Variants in SERPINB7 observed in about 807,000 individuals in gnomAD.
SERPINB7 encodes the protein serpin B7.
In SERPINB7, 31 loss-of-function variants were observed where a neutral mutation model predicts 37.4. That is an observed-to-expected ratio of 0.83 (90% CI 0.62 to 1.12). SERPINB7 has a LOEUF of 1.12. Ranked by LOEUF, SERPINB7 falls within the 50% of genes most tolerant of loss-of-function variation. The pLI, the probability that SERPINB7 is intolerant of heterozygous loss-of-function variation, is 0.00. For missense variants in SERPINB7, 521 were observed against 455.3 expected (o/e 1.14, Z -1.31); for synonymous variants, 163 against 166.1 (o/e 0.98, Z 0.14).
chr18:63,776,521 C>G (rs1598997976), intron 1 of SERPINB7, among the ~76,000 whole-genome samples: 1 of 151,648 alleles, frequency 6.6e-6, no homozygotes, highest in East Asian at 1.9e-4. Context: ...GTGGTGATTT[C>G]AGACAGTCTT....
intron 6 of SERPINB7, 41 bp from the exon 7 acceptor site, chr18:63,800,825 G>A: frequency 6.2e-7 from 1 of 1,605,462 alleles, no homozygotes; most frequent in Non-Finnish European, 8.5e-7. Context: ...AAAGTAAAAT[G>A]AGGTGGGATC....
chr18:63,783,147 A>C (rs2049319048), intron 2 of SERPINB7, among the ~76,000 whole-genome samples: 1 of 150,506 alleles, frequency 6.6e-6, no homozygotes. Context: ...CAGAAAACAA[A>C]CGATCAAACA....
At chr18:63,786,455 G>C (rs1170378794) in intron 2 of SERPINB7, among the ~76,000 whole-genome samples, 1 of 151,262 alleles carries the variant, frequency 6.6e-6, no homozygotes. Flanking sequence ...TTTAAAAGTT[G>C]TACAAATTTG....
chr18:63,794,980 T>C (rs1199931062), intron 4 of SERPINB7, among the ~76,000 whole-genome samples: 1 of 152,226 alleles, frequency 6.6e-6, no homozygotes, highest in Non-Finnish European at 1.5e-5. Flanking sequence ...ATTCTGAACA[T>C]CTTTCCACAA....
rs775595027 is a variant in SERPINB7, at chr18:63,782,483, T to C, written c.111T>C (p.Ala37=). 2.5e-6 allele frequency: 4 copies of C among 1,614,230 alleles called. No individual in the cohort carries two copies. The Admixed American group carries it at 6.7e-5, about 27-fold the overall frequency. Residue 37 remains alanine, a synonymous_variant, in exon 2 of 8, where the codon GCT becomes GCC. Transcript: ENST00000398019. ...TCTTTTCCTCTCTGAGCCTCTTCGC[T>C]GCCCTGGCCCTGGTCCGCTTGGGCG... ...NVFFSSLSLF[A]ALALVRLGAQ...
chr18:63,788,285 T>C (rs2049393139), intron 2 of SERPINB7, among the ~76,000 whole-genome samples: 1 of 152,190 alleles, frequency 6.6e-6, no homozygotes, highest in Non-Finnish European at 1.5e-5. Context: ...AAGACAGTGA[T>C]ATTGACAATC....
chr18:63,798,769 A>C (rs755566200), intron 6 of SERPINB7, 23 bp downstream of exon 6: 4 of 1,608,716 alleles, frequency 2.5e-6, no homozygotes, highest in Non-Finnish European at 3.4e-6. Context: ...TCTCCTATTT[A>C]ATTTAGAACT....
At chr18:63,801,706 G>T (rs1034650533) in intron 7 of SERPINB7, among the ~76,000 whole-genome samples, 1 of 152,078 alleles carries the variant, frequency 6.6e-6, no homozygotes, top group Non-Finnish European at 1.5e-5. Context: ...TCCACCTCTG[G>T]ACTCTGTGGG....
chr18:63,800,833 A>T (rs769963525), intron 6 of SERPINB7, 33 bp from the exon 7 acceptor site: 12 of 1,608,880 alleles, frequency 7.5e-6, no homozygotes, highest in African/African-American at 4.0e-5. Context: ...ATGAGGTGGG[A>T]TCATAAATAA....
intron 5 of SERPINB7, among the ~76,000 whole-genome samples, chr18:63,796,665 T>C (rs1003246312): frequency 6.6e-6 from 1 of 152,242 alleles, no homozygotes; most frequent in Admixed American, 6.5e-5. Context: ...CCACTTCATA[T>C]ATGAATAACA....
At chr18:63,755,186 G>A (rs1360042528) in intron 1 of SERPINB7, among the ~76,000 whole-genome samples, 1 of 151,894 alleles carries the variant, frequency 6.6e-6, no homozygotes, top group African/African-American at 2.4e-5. Context: ...TTACAGGCGT[G>A]AGCCACCGCG....
At chr18:63,787,892 G>A (rs926152006) in intron 2 of SERPINB7, among the ~76,000 whole-genome samples, 2 of 152,138 alleles carry the variant, frequency 1.3e-5, no homozygotes, top group African/African-American at 4.8e-5. Context: ...TAATGAAACT[G>A]AGGTATTACT....
intron 2 of SERPINB7, among the ~76,000 whole-genome samples, chr18:63,790,989 G>A (rs1476875340): frequency 2.0e-5 from 3 of 152,106 alleles, no homozygotes; most frequent in Non-Finnish European, 4.4e-5. Flanking sequence ...TCCTTTGCAG[G>A]GACATGGATG....
At chr18:63,758,625 G>C (rs184004364) in intron 1 of SERPINB7, among the ~76,000 whole-genome samples, 1 of 152,116 alleles carries the variant, frequency 6.6e-6, no homozygotes, top group African/African-American at 2.4e-5. Flanking sequence ...AATAAGAAAA[G>C]AATTCTTTAG....
Position 63,796,325 on chromosome 18 carries a change from G to T in SERPINB7, c.396G>T (p.Thr132=). ...CCAAAGTGGAGCGAGTTGACTTTAC[G>T]AATCATTTAGAAGACACTAGACGTA... ...YDAKVERVDF[T]NHLEDTRRNI... The change falls in exon 5 of 8, where the codon ACG becomes ACT. Residue 132 remains threonine, a synonymous_variant. Coordinates refer to ENST00000398019, the MANE Select transcript of SERPINB7 (RefSeq NM_003784.4). The T allele has an allele frequency of 1.2e-6, 2 of 1,613,154 alleles. No individual in the cohort carries two copies. Among genetic ancestry groups the T allele is most frequent in the South Asian group, 2.2e-5 (2 of 90,988 alleles).
At chr18:63,788,664 G>A (rs547469759) in intron 2 of SERPINB7, among the ~76,000 whole-genome samples, 4 of 152,306 alleles carry the variant, frequency 2.6e-5, no homozygotes, top group Non-Finnish European at 5.9e-5. Flanking sequence ...GACTCACCCA[G>A]TGCCACTTCC....
chr18:63,798,886 A>T lies in SERPINB7; in HGVS notation c.597+140A>T, dbSNP rs1322718055. The T allele has an allele frequency of 1.5e-5, 13 of 861,856 alleles. No individual in the cohort carries two copies. In the East Asian group the frequency reaches 3.4e-4, roughly 22 times the overall value. The allele number at this position is 861,856 out of a possible 1,614,324, so 53.4% of individuals were successfully genotyped here. On this transcript the variant is annotated intron_variant, in intron 6 of 7. Coordinates refer to ENST00000398019, the MANE Select transcript of SERPINB7 (RefSeq NM_003784.4). ...TTTGCATTACCAATATCATATGGTC[A>T]GTTGCTTTATAAAGCAAACTTTCTA...
At chr18:63,765,791 A>G (rs1027471928) in intron 1 of SERPINB7, among the ~76,000 whole-genome samples, 1 of 152,156 alleles carries the variant, frequency 6.6e-6, no homozygotes, top group African/African-American at 2.4e-5. Flanking sequence ...TTCTCTTTCT[A>G]GAAACCGATT....
At chr18:63,774,110 A>C (rs983904511), upstream of SERPINB7, among the ~76,000 whole-genome samples, 2 of 152,070 alleles carry the variant, frequency 1.3e-5, no homozygotes, top group African/African-American at 4.8e-5. Context: ...TATTAACAAC[A>C]ACCTTCTCCT....
Sources: gnomAD v4.1 joint callset for allele counts (sites outside exome capture counted in the v4.1 genomes callset) on GRCh38, gnomAD v4.1.1 for gene constraint, MANE v1.5 for transcripts, NCBI Gene and HGNC (gene_info 2026-07-23, HGNC 2026-07-21) for gene names.